SLC39A11: variants seen among roughly 807,000 people sequenced by gnomAD.
SLC39A11 encodes zinc transporter ZIP11.
In SLC39A11, 33 loss-of-function variants were observed where a neutral mutation model predicts 36.1. The ratio of observed to expected loss-of-function variants is 0.91; its 90% CI spans 0.69 to 1.22. SLC39A11 has a LOEUF of 1.22. Ranked by LOEUF, SLC39A11 falls within the 50% of genes most tolerant of loss-of-function variation. The pLI is 0.00. For missense variants in SLC39A11, 432 were observed against 430.3 expected, an observed-to-expected ratio of 1.00 and a Z score of -0.03; for synonymous variants, 166 against 170.3, an observed-to-expected ratio of 0.97 and a Z score of 0.20.
intron 5 of SLC39A11, among the ~76,000 whole-genome samples, chr17:72,931,155 T>C (rs919901708): frequency 3.3e-5 from 5 of 151,390 alleles, no homozygotes; most frequent in African/African-American, 1.2e-4. Context: ...CAAAGAGGAG[T>C]ACAGGCCCAA....
rs138894964 is a variant in SLC39A11 at position 73,053,396 on chromosome 17, C to T, written c.148-21682G>A. Among the ~76,000 whole-genome samples, 3 of 152,224 alleles carry T rather than the reference C, an allele frequency of 2.0e-5. No individual in the cohort carries two copies. The East Asian group carries it at 5.8e-4, about 29-fold the overall frequency. On this transcript the variant is annotated intron_variant, in intron 3 of 9. Coordinates refer to ENST00000255559, the MANE Select transcript of SLC39A11 (RefSeq NM_139177.4). ...GCCACATACTAGAGGAAAACTGATA[C>T]CCACAGTCGCAGACTTACATCAAAC... is the stretch of plus-strand genomic sequence containing the variant.
intron 4 of SLC39A11, among the ~76,000 whole-genome samples, chr17:72,979,204 C>T (rs556769206): frequency 3.5e-4 from 54 of 152,276 alleles, no homozygotes; most frequent in Non-Finnish European, 6.8e-4. Flanking sequence ...TTCCTGCCGC[C>T]TTGTGAAGAA....
chr17:72,977,548 G>A (rs1482347471), intron 4 of SLC39A11, among the ~76,000 whole-genome samples: 2 of 152,142 alleles, frequency 1.3e-5, no homozygotes, highest in Admixed American at 1.3e-4. Flanking sequence ...AGAGGCAAGG[G>A]GAGAACACCC....
chr17:72,905,356 G>A (rs938340049), intron 5 of SLC39A11, among the ~76,000 whole-genome samples: 1 of 151,228 alleles, frequency 6.6e-6, no homozygotes, highest in South Asian at 2.1e-4. Flanking sequence ...AGCAATTTGG[G>A]AGGCCAAGGC....
intron 3 of SLC39A11, among the ~76,000 whole-genome samples, chr17:73,046,273 G>A (rs903102): frequency 0.73 from 110,954 of 151,996 alleles, 40,619 homozygotes; most frequent in Admixed American, 0.74. Flanking sequence ...GTTCTAAATA[G>A]TATTACATTT....
Position 72,795,573 on chromosome 17 carries a change from TGA to T in SLC39A11, c.601+54059_601+54060del, listed in dbSNP as rs1418122013. Among the ~76,000 whole-genome samples the T allele has an allele frequency of 1.7e-4, 26 of 152,246 alleles. 1 individual carries two copies. Among genetic ancestry groups the T allele is most frequent in the African/African-American group, 5.8e-4 (24 of 41,514 alleles). ...TTCCTATTTGTTAGAAGTGAACCACTGAGAAGTCTAGCACACACTGGAGAAGG... is the reference window on the plus strand; with the variant it reads ...TTCCTATTTGTTAGAAGTGAACCACTGAAGTCTAGCACACACTGGAGAAGG... On this transcript the variant is annotated intron_variant, in intron 6 of 9. Coordinates refer to ENST00000255559, the MANE Select transcript of SLC39A11 (RefSeq NM_139177.4).
intron 5 of SLC39A11, among the ~76,000 whole-genome samples, chr17:72,868,445 A>C (rs1245960769): frequency 6.6e-6 from 1 of 152,052 alleles, no homozygotes; most frequent in Non-Finnish European, 1.5e-5. Flanking sequence ...AACTGCTAGA[A>C]ATAAAAAGGA....
chr17:72,964,092 T>C (rs2086806229), intron 4 of SLC39A11, among the ~76,000 whole-genome samples: 1 of 152,114 alleles, frequency 6.6e-6, no homozygotes, highest in Admixed American at 6.5e-5. Context: ...ACACGAGTTT[T>C]CCTCGTACGA....
chr17:72,659,518 A>G (rs2070309407), intron 7 of SLC39A11, among the ~76,000 whole-genome samples: 1 of 152,064 alleles, frequency 6.6e-6, no homozygotes, highest in Non-Finnish European at 1.5e-5. Flanking sequence ...TACAAACAAA[A>G]ATAAAACATG....
chr17:72,914,603 G>T (rs538671726), intron 5 of SLC39A11, among the ~76,000 whole-genome samples: 7 of 152,042 alleles, frequency 4.6e-5, no homozygotes, highest in African/African-American at 2.4e-5. Flanking sequence ...TGAATAGGCC[G>T]GGTGCAGTGG....
chr17:73,088,895 C>A, intron 1 of SLC39A11, 120 bp from the exon 2 acceptor site: 1 of 689,990 alleles, frequency 1.4e-6, no homozygotes, highest in Non-Finnish European at 2.6e-6. Context: ...ACCGTATGCA[C>A]CCTTCCACCA....
chr17:72,734,620 T>C (rs191447395), intron 7 of SLC39A11, among the ~76,000 whole-genome samples: 7 of 152,282 alleles, frequency 4.6e-5, no homozygotes, highest in African/African-American at 1.7e-4. Context: ...GTTGGAAATA[T>C]TTTTGCTCCA....
At chr17:72,902,164 C>A (rs1181155146) in intron 5 of SLC39A11, among the ~76,000 whole-genome samples, 1 of 151,862 alleles carries the variant, frequency 6.6e-6, no homozygotes, top group Non-Finnish European at 1.5e-5. Context: ...CCAGCTACTC[C>A]GGAGGCTGAG....
chr17:72,975,661 T>C (rs1010227097), intron 4 of SLC39A11, among the ~76,000 whole-genome samples: 22 of 152,350 alleles, frequency 1.4e-4, no homozygotes, highest in African/African-American at 4.3e-4. Context: ...CACTTTATAC[T>C]ATTTTGTTAT....
At chr17:72,971,993 A>G (rs2087492803) in intron 4 of SLC39A11, among the ~76,000 whole-genome samples, 1 of 152,226 alleles carries the variant, frequency 6.6e-6, no homozygotes, top group African/African-American at 2.4e-5. Flanking sequence ...GGCATGTAAT[A>G]AGCCCTCAAT....
chr17:72,900,173 G>GA lies in SLC39A11; in HGVS notation c.430+47578dup, dbSNP rs765084513. On this transcript the variant is annotated intron_variant, in intron 5 of 9. Coordinates refer to ENST00000255559, the MANE Select transcript of SLC39A11 (RefSeq NM_139177.4). ...GAAAGAAAAGAAAGAAAGAAAGAAAGAAAGAAAGAAAGAAAGAAAGAAAGA... is the reference window on the plus strand; with the variant it reads ...GAAAGAAAAGAAAGAAAGAAAGAAAGAAAAGAAAGAAAGAAAGAAAGAAAGA... Among the ~76,000 whole-genome samples the GA allele has an allele frequency of 1.5e-4, 20 of 129,674 alleles. 4 individuals are homozygous for GA. Among genetic ancestry groups the GA allele is most frequent in the African/African-American group, 6.3e-4 (20 of 31,980 alleles). The allele number at this position is 129,674 out of a possible 152,430, so 85.1% of individuals were successfully genotyped here. A position where few individuals can be genotyped will look rare whatever the true frequency, so the allele number is the denominator to read the frequency against.
intron 6 of SLC39A11, among the ~76,000 whole-genome samples, chr17:72,776,481 T>C (rs2144787250): frequency 6.6e-6 from 1 of 152,254 alleles, no homozygotes; most frequent in East Asian, 1.9e-4. Flanking sequence ...CTGAAATCTG[T>C]ATCAAAATGT....
chr17:72,872,875 C>A (rs544421813), intron 5 of SLC39A11, among the ~76,000 whole-genome samples: 2 of 151,644 alleles, frequency 1.3e-5, no homozygotes, highest in East Asian at 3.9e-4. Context: ...GCTAACATGG[C>A]GAAACCCTGT....
intron 6 of SLC39A11, among the ~76,000 whole-genome samples, chr17:72,819,780 T>C (rs951298497): frequency 6.6e-6 from 1 of 151,322 alleles, no homozygotes; most frequent in Non-Finnish European, 1.5e-5. Context: ...ATTTCCATTT[T>C]GCAGAAGACA....
Sources: allele counts gnomAD v4.1 joint callset (sites outside exome capture counted in the v4.1 genomes callset), GRCh38; gene constraint gnomAD v4.1.1; transcripts MANE v1.5; gene names NCBI Gene and HGNC (gene_info 2026-07-23, HGNC 2026-07-21).